ZBTB20: variants seen among roughly 807,000 people sequenced by gnomAD.
ZBTB20 encodes zinc finger and BTB domain-containing protein 20.
A neutral mutation model predicts 56.9 loss-of-function variants in ZBTB20; 9 were observed. The ratio of observed to expected loss-of-function variants is 0.16; its 90% CI spans 0.10 to 0.28. The LOEUF is 0.28. Ranked by LOEUF, ZBTB20 falls within the 10% of genes least tolerant of loss-of-function variation. The probability of loss-of-function intolerance (pLI) is 1.00; values close to 1 mark genes in which losing one functional copy is unlikely to be tolerated. For missense variants in ZBTB20, 655 were observed against 1,003.0 expected (o/e 0.65, Z 4.69); for synonymous variants, 417 against 420.7 (o/e 0.99, Z 0.11).
intron 7 of ZBTB20, among the ~76,000 whole-genome samples, chr3:114,455,931 A>C (rs2091986127): frequency 6.6e-6 from 1 of 152,066 alleles, no homozygotes; most frequent in African/African-American, 2.4e-5. Context: ...GTAGAGAGGA[A>C]ACTGAGGCCC....
chr3:114,375,983 T>C (rs1228921991), intron 10 of ZBTB20: 1 of 152,226 alleles, frequency 6.6e-6, no homozygotes, highest in Non-Finnish European at 1.5e-5. Flanking sequence ...TAAAATACAT[T>C]TTATGCTTCT....
At chr3:115,016,795 T>C (rs1206202918) in intron 2 of ZBTB20, among the ~76,000 whole-genome samples, 1 of 151,518 alleles carries the variant, frequency 6.6e-6, no homozygotes, top group Admixed American at 6.6e-5. Context: ...GCTTTTTGGG[T>C]GCTTTTTGGG....
chr3:115,145,856 A>C (rs1218030906), intron 1 of ZBTB20, among the ~76,000 whole-genome samples: 1 of 152,226 alleles, frequency 6.6e-6, no homozygotes, highest in Admixed American at 6.5e-5. Flanking sequence ...ATTGTGTTTT[A>C]AAACTTTCAA....
chr3:114,367,971 C>T (rs779495604), intron 10 of ZBTB20, among the ~76,000 whole-genome samples: 3 of 152,104 alleles, frequency 2.0e-5, no homozygotes, highest in Non-Finnish European at 4.4e-5. Context: ...CAGTCGTTCT[C>T]AGGGGGAAAG....
chr3:115,110,981 C>A (rs569899055), intron 1 of ZBTB20, among the ~76,000 whole-genome samples: 1 of 150,078 alleles, frequency 6.7e-6, no homozygotes, highest in South Asian at 2.1e-4. Flanking sequence ...CAGAGTGAGA[C>A]TCCATCTCAA....
intron 1 of ZBTB20, among the ~76,000 whole-genome samples, chr3:115,080,759 T>C (rs1053270460): frequency 3.3e-5 from 5 of 152,174 alleles, no homozygotes; most frequent in African/African-American, 1.2e-4. Context: ...TCAATAGAAA[T>C]GCCATCAGGG....
chr3:115,142,364 A>T (rs1338357966), intron 1 of ZBTB20, among the ~76,000 whole-genome samples: 1 of 152,054 alleles, frequency 6.6e-6, no homozygotes, highest in Non-Finnish European at 1.5e-5. Context: ...TTTGCTCTTT[A>T]AAAAAAATTC....
chr3:114,380,098 T>C, intron 10 of ZBTB20, 119 bp downstream of exon 10: 1 of 1,100,132 alleles, frequency 9.1e-7, no homozygotes, highest in Non-Finnish European at 1.2e-6. Context: ...ACATTACTTT[T>C]GGCTGCTTTA....
intron 3 of ZBTB20, among the ~76,000 whole-genome samples, chr3:114,918,279 G>A (rs1204856950): frequency 6.6e-6 from 1 of 151,914 alleles, no homozygotes; most frequent in Admixed American, 6.6e-5. Context: ...TCTAGCCTAG[G>A]GAAACTCCCC....
At chr3:114,652,890 A>G (rs976682558) in intron 6 of ZBTB20, among the ~76,000 whole-genome samples, 3 of 151,902 alleles carry the variant, frequency 2.0e-5, no homozygotes, top group African/African-American at 7.2e-5. Flanking sequence ...TTTTATTTAA[A>G]TGTCTTATAT....
At chr3:114,508,996 T>C (rs1385116543) in intron 6 of ZBTB20, among the ~76,000 whole-genome samples, 3 of 152,184 alleles carry the variant, frequency 2.0e-5, no homozygotes, top group East Asian at 3.9e-4. Context: ...TAATGGTTGG[T>C]GCATGTAGCC....
chr3:114,803,259 A>G (rs2071854110), intron 4 of ZBTB20, among the ~76,000 whole-genome samples: 1 of 151,600 alleles, frequency 6.6e-6, no homozygotes, highest in Admixed American at 6.6e-5. Context: ...CTGTTTCCCA[A>G]TCCAAAGAAA....
chr3:115,080,423 T>C (rs761396853), intron 1 of ZBTB20, among the ~76,000 whole-genome samples: 11 of 152,070 alleles, frequency 7.2e-5, no homozygotes, highest in Admixed American at 2.0e-4. Flanking sequence ...TTTTGCAAAA[T>C]AGGAGACTAT....
intron 1 of ZBTB20, among the ~76,000 whole-genome samples, chr3:115,098,061 T>C (rs963203771): frequency 6.6e-6 from 1 of 152,244 alleles, no homozygotes; most frequent in African/African-American, 2.4e-5. Context: ...TAAAGGAAAT[T>C]TTCATTTTTC....
intron 2 of ZBTB20, among the ~76,000 whole-genome samples, chr3:114,994,794 C>T (rs867930211): frequency 2.6e-5 from 4 of 151,934 alleles, no homozygotes; most frequent in Admixed American, 6.6e-5. Flanking sequence ...CCAAGCTTCA[C>T]GAAGACATGA....
chr3:114,581,069 T>C (rs138895093), intron 6 of ZBTB20, among the ~76,000 whole-genome samples: 1 of 151,916 alleles, frequency 6.6e-6, no homozygotes, highest in Non-Finnish European at 1.5e-5. Context: ...TTAAGGGTTA[T>C]GGTGTTAGTA....
At chr3:114,826,283 G>A (rs1444752893) in intron 4 of ZBTB20, among the ~76,000 whole-genome samples, 1 of 151,504 alleles carries the variant, frequency 6.6e-6, no homozygotes, top group African/African-American at 2.4e-5. Context: ...CATTTTCAAT[G>A]GAAAACAACA....
intron 7 of ZBTB20, among the ~76,000 whole-genome samples, chr3:114,461,569 G>C (rs149808807): frequency 6.6e-6 from 1 of 152,290 alleles, no homozygotes; most frequent in South Asian, 2.1e-4. Context: ...GCCTCCTAAA[G>C]TGCTGGATTA....
chr3:115,038,096 T>C (rs2108377294), intron 2 of ZBTB20, among the ~76,000 whole-genome samples: 1 of 152,328 alleles, frequency 6.6e-6, no homozygotes, highest in East Asian at 1.9e-4. Context: ...CACAGGTTTT[T>C]AAAGAAATAA....
Sources: gnomAD v4.1 joint callset for allele counts (sites outside exome capture counted in the v4.1 genomes callset) on GRCh38, gnomAD v4.1.1 for gene constraint, MANE v1.5 for transcripts, NCBI Gene and HGNC (gene_info 2026-07-23, HGNC 2026-07-21) for gene names.